MIIP: variants seen among roughly 807,000 people sequenced by gnomAD.
MIIP encodes the protein migration and invasion-inhibitory protein.
In MIIP, 44 loss-of-function variants were observed where a neutral mutation model predicts 44.8. That is an observed-to-expected ratio of 0.98 (90% CI 0.77 to 1.26). The LOEUF is 1.26. MIIP is among the 50% of genes most tolerant of loss of function. MIIP has a pLI of 0.00. For synonymous variants in MIIP, 225 were observed against 218.3 expected (o/e 1.03, Z -0.27); for missense variants, 496 against 511.7 (o/e 0.97, Z 0.30).
At chr1:12,027,006 C>CTTTTT (rs752323245) in intron 4 of MIIP, among the ~76,000 whole-genome samples, 2 of 129,516 alleles carry the variant, frequency 1.5e-5, no homozygotes, top group Non-Finnish European at 1.6e-5. Flanking sequence ...TTTTCTTTTT[C>CTTTTT]TTTTTTTTTT....
chr1:12,025,307 G>C (rs1389198946), intron 4 of MIIP, among the ~76,000 whole-genome samples: 2 of 151,966 alleles, frequency 1.3e-5, no homozygotes, highest in Non-Finnish European at 2.9e-5. Flanking sequence ...TGATTCTCCT[G>C]CCTCGGCCTC....
At chr1:12,025,381 G>T (rs1640085794) in intron 4 of MIIP, among the ~76,000 whole-genome samples, 1 of 152,054 alleles carries the variant, frequency 6.6e-6, no homozygotes, top group Non-Finnish European at 1.5e-5. Context: ...CCTTTTTAAG[G>T]CTGAGTGACA....
At chr1:12,021,504 G>T in intron 1 of MIIP, 141 bp from the exon 2 acceptor site, 1 of 564,418 alleles carries the variant, frequency 1.8e-6, no homozygotes. Context: ...AGATACTGTT[G>T]TCGTCCAGCA....
intron 4 of MIIP, among the ~76,000 whole-genome samples, chr1:12,027,207 G>A (rs1423341035): frequency 6.6e-6 from 1 of 151,948 alleles, no homozygotes; most frequent in Non-Finnish European, 1.5e-5. Flanking sequence ...ACAGGGTTTC[G>A]CCATCTTGGC....
At chr1:12,023,702 TAAGAG>T (rs1184112801) in intron 4 of MIIP, among the ~76,000 whole-genome samples, 14 of 151,270 alleles carry the variant, frequency 9.3e-5, no homozygotes, top group Non-Finnish European at 4.4e-5. Context: ...CTTTGCTTTT[TAAGAG>T]AAGACAGGCC....
At chr1:12,029,702 A>G in intron 6 of MIIP, 63 bp from the exon 7 acceptor site, 1 of 1,578,284 alleles carries the variant, frequency 6.3e-7, no homozygotes, top group Admixed American at 1.7e-5. Flanking sequence ...TGAGGGCAGC[A>G]CGGAGCCTGG....
intron 4 of MIIP, among the ~76,000 whole-genome samples, chr1:12,025,885 A>G (rs1327745306): frequency 6.6e-6 from 1 of 151,750 alleles, no homozygotes; most frequent in Non-Finnish European, 1.5e-5. Flanking sequence ...TTTAGTAGAG[A>G]CGGGGTTTCA....
At position 12,029,798 on chromosome 1, in the gene MIIP, T is replaced by G. The variant is rs763703048; in HGVS notation, c.749T>G (p.Phe250Cys). 5.6e-6 allele frequency: 9 copies of G among 1,613,154 alleles called. No homozygotes were observed. The South Asian group carries it at 9.9e-5, about 18-fold the overall frequency. ...VYCYRVNRRL[F>C]PVPVDPGTPC... is the part of the protein sequence containing the mutation. Reference sequence around the variant, plus strand: ...TGTTACCGTGTCAACCGGCGCCTGTTCCCGGTGCCTGTGGATCCCGGTACC... The same window carrying G: ...TGTTACCGTGTCAACCGGCGCCTGTGCCCGGTGCCTGTGGATCCCGGTACC... Residue 250 changes from phenylalanine (F) to cysteine (C), a missense_variant, in exon 7 of 10, where the codon TTC becomes TGC. By Grantham distance (205) the Phe-to-Cys change is radical. Transcript: ENST00000235332.
At chr1:12,025,820 C>CAGCGT (rs1640094200) in intron 4 of MIIP, among the ~76,000 whole-genome samples, 1 of 152,160 alleles carries the variant, frequency 6.6e-6, no homozygotes, top group African/African-American at 2.4e-5. Flanking sequence ...TCCTCAGCCT[C>CAGCGT]CCAGGTAGCT....
chr1:12,031,820 TG>T lies in MIIP; in HGVS notation c.*17del. The T allele has an allele frequency of 6.2e-7, 1 of 1,612,200 alleles. No individual in the cohort carries two copies. The highest frequency in any genetic ancestry group is 8.5e-7 in the Non-Finnish European group (1 of 1,178,740). The stretch of plus-strand genomic sequence containing the variant: ...GGCAGAAGCCCTGAGGACTGACTCC[TG>T]GGGGAGAACAGCATTCCCGCCGCCT... On this transcript the variant is annotated 3_prime_UTR_variant, in exon 10 of 10. Transcript: ENST00000235332.
At chr1:12,027,680 T>C (rs1358614039) in intron 4 of MIIP, among the ~76,000 whole-genome samples, 1 of 152,168 alleles carries the variant, frequency 6.6e-6, no homozygotes, top group Non-Finnish European at 1.5e-5. Context: ...TCTCCATTTG[T>C]ATCTCTAGCC....
chr1:12,031,941 C>A lies in MIIP; in HGVS notation c.*133C>A. On this transcript the variant is annotated 3_prime_UTR_variant, in exon 10 of 10. Coordinates refer to ENST00000235332, the MANE Select transcript of MIIP (RefSeq NM_021933.4). Reference sequence around the variant, plus strand: ...GTCCTAGGTTGGGCAGGTGGGTGGACCCAAGCTTGTCTGCTGCCTGAGTTC... The same window carrying A: ...GTCCTAGGTTGGGCAGGTGGGTGGAACCAAGCTTGTCTGCTGCCTGAGTTC... 1 of 838,464 alleles carries A rather than the reference C, an allele frequency of 1.2e-6. No homozygotes were observed. Among genetic ancestry groups the A allele is most frequent in the Non-Finnish European group, 1.9e-6 (1 of 536,280 alleles). The allele number at this position is 838,464 out of a possible 1,614,324, so 51.9% of individuals were successfully genotyped here.
At chr1:12,022,608 CTG>C (rs1239919848) in intron 3 of MIIP, among the ~76,000 whole-genome samples, 166 bp downstream of exon 3, 7 of 152,140 alleles carry the variant, frequency 4.6e-5, no homozygotes, top group Non-Finnish European at 1.0e-4. Context: ...TAGGTGGTAG[CTG>C]TGAGTATCTC....
chr1:12,029,447 G>C (rs1311112274), intron 6 of MIIP, 166 bp downstream of exon 6: 21 of 820,118 alleles, frequency 2.6e-5, no homozygotes, highest in Non-Finnish European at 3.8e-5. Context: ...GCCAAGCCCT[G>C]GTAGGGGTGG....
In MIIP at chr1:12,031,827, G is replaced by C; in HGVS notation, c.*19G>C. ...GCCCTGAGGACTGACTCCTGGGGGA[G>C]AACAGCATTCCCGCCGCCTCCAGCC... On this transcript the variant is annotated 3_prime_UTR_variant, in exon 10 of 10. Transcript: ENST00000235332. 6.2e-7 allele frequency: 1 copy of C among 1,609,554 alleles called. No homozygotes were observed. Among genetic ancestry groups the C allele is most frequent in the East Asian group, 2.2e-5 (1 of 44,834 alleles).
At chr1:12,020,341 A>C (rs961192147) in intron 1 of MIIP, among the ~76,000 whole-genome samples, 2 of 152,174 alleles carry the variant, frequency 1.3e-5, no homozygotes, top group Admixed American at 6.5e-5. Flanking sequence ...TTATAAAGCA[A>C]GCTTGTCCAA....
intron 2 of MIIP, 60 bp from the exon 3 acceptor site, chr1:12,022,035 G>A (rs192073147): frequency 1.0e-4 from 160 of 1,552,162 alleles, no homozygotes; most frequent in Non-Finnish European, 1.4e-4. Context: ...GGTGCCTGGC[G>A]TAGGCCCGGT....
At chr1:12,027,543 T>TG (rs926938254) in intron 4 of MIIP, among the ~76,000 whole-genome samples, 9 of 152,182 alleles carry the variant, frequency 5.9e-5, no homozygotes, top group Non-Finnish European at 1.2e-4. Flanking sequence ...CCCAGGCTTC[T>TG]GGGGAAGGAA....
chr1:12,027,929 A>G (rs1340302266), intron 4 of MIIP, among the ~76,000 whole-genome samples: 2 of 152,174 alleles, frequency 1.3e-5, no homozygotes, highest in Non-Finnish European at 2.9e-5. Context: ...AATACTGTTT[A>G]GGCCGGGTGC....
Sources: gnomAD v4.1 joint callset for allele counts (sites outside exome capture counted in the v4.1 genomes callset) on GRCh38, gnomAD v4.1.1 for gene constraint, MANE v1.5 for transcripts, NCBI Gene and HGNC (gene_info 2026-07-23, HGNC 2026-07-21) for gene names.